CLCA4: variants seen among roughly 807,000 people sequenced by gnomAD.
CLCA4 encodes chloride channel accessory 4.
A neutral mutation model predicts 78.9 loss-of-function variants in CLCA4; 69 were observed. The ratio of observed to expected loss-of-function variants is 0.87; its 90% confidence interval spans 0.72 to 1.07. The LOEUF (loss-of-function observed/expected upper bound fraction) is 1.07. Among genes scored for constraint, CLCA4 ranks in the 50% least tolerant of loss-of-function variants. The pLI, the probability that CLCA4 is intolerant of heterozygous loss-of-function variation, is 0.00. For synonymous variants in CLCA4, 362 were observed against 375.8 expected (o/e 0.96, Z 0.42); for missense variants, 1,133 against 1,095.8 (o/e 1.03, Z -0.48).
At chr1:86,550,021 A>G (rs955444237) in intron 1 of CLCA4, among the ~76,000 whole-genome samples, 2 of 152,206 alleles carry the variant, frequency 1.3e-5, no homozygotes, top group African/African-American at 4.8e-5. Context: ...AGCCACGTAA[A>G]TTATTTTTCC....
At chr1:86,572,454 A>G (rs1650377473) in intron 8 of CLCA4, among the ~76,000 whole-genome samples, 160 bp from the exon 9 acceptor site, 1 of 152,038 alleles carries the variant, frequency 6.6e-6, no homozygotes, top group African/African-American at 2.4e-5. Context: ...ACATTTTAAA[A>G]TGAGCATTTC....
intron 1 of CLCA4, among the ~76,000 whole-genome samples, chr1:86,550,469 G>C (rs1231028103): frequency 5.3e-5 from 8 of 151,998 alleles, no homozygotes; most frequent in Non-Finnish European, 1.0e-4. Context: ...TTGTTTACAG[G>C]CATGCCCAGA....
chr1:86,564,933 T>A (rs189823872), intron 4 of CLCA4, among the ~76,000 whole-genome samples: 5 of 152,128 alleles, frequency 3.3e-5, no homozygotes, highest in Admixed American at 3.3e-4. Context: ...GTAAATTGTC[T>A]CAAAAATTCT....
At chr1:86,573,104 T>A (rs1650403230) in intron 9 of CLCA4, 1 of 248,870 alleles carries the variant, frequency 4.0e-6, no homozygotes, top group Non-Finnish European at 8.0e-6. Flanking sequence ...TGATATAGAT[T>A]TAGAAACATG....
In CLCA4 at chr1:86,578,038, T is replaced by C. The variant is rs200517074; in HGVS notation, c.2088T>C (p.Asn696=). The C allele has an allele frequency of 7.9e-5, 127 of 1,612,592 alleles. No individual in the cohort carries two copies. Among genetic ancestry groups the C allele is most frequent in the African/African-American group, 4.5e-4 (34 of 74,948 alleles). The change falls in exon 12 of 14, where the codon AAT becomes AAC. Residue 696 remains asparagine, a synonymous_variant. Transcript: ENST00000370563. ...GGCTAAAATTACGGCCTCCACTGAA[T>C]AGAGCCGCGTACATACCAGGCTGGG... ...TARLKLRPPL[N]RAAYIPGWVV... is the part of the protein sequence containing the mutation.
intron 1 of CLCA4, chr1:86,552,860 G>T: frequency 2.7e-6 from 2 of 745,022 alleles, no homozygotes; most frequent in Non-Finnish European, 2.4e-6. Context: ...ATATCTGATC[G>T]AGTGATTTGC....
chr1:86,572,184 A>G (rs1358675231), intron 8 of CLCA4, among the ~76,000 whole-genome samples: 5 of 152,048 alleles, frequency 3.3e-5, no homozygotes, highest in African/African-American at 9.7e-5. Flanking sequence ...GCTGGCTGAA[A>G]TATCTGAAAG....
chr1:86,565,230 T>A (rs1335517176), intron 4 of CLCA4, 44 bp from the exon 5 acceptor site: 3 of 1,386,800 alleles, frequency 2.2e-6, no homozygotes, highest in Non-Finnish European at 3.0e-6. Context: ...CTGTAAGTGC[T>A]AATGATTCAG....
rs560528524 is a variant in CLCA4, at chr1:86,557,032, G to A, written c.160-2900G>A. On this transcript the variant is annotated intron_variant, in intron 1 of 13. Coordinates refer to ENST00000370563, the MANE Select transcript of CLCA4 (RefSeq NM_012128.4). ...GGTTATTTTTATTTCTGAGGGGTCA[G>A]CATTAACATTCCCTTCATTATTTCC... 2.4e-3 allele frequency among the ~76,000 whole-genome samples: 358 copies of A among 152,154 alleles called. 1 individual carries two copies. The highest frequency in any genetic ancestry group is 4.0e-3 in the Non-Finnish European group (271 of 67,968).
rs1650658660 is a variant in CLCA4, at chr1:86,579,996, T to C, written c.2411T>C (p.Phe804Ser). ...SASILDLRDS[F>S]DDALQVNTTD... ...AGTATTCTTGATCTAAGAGACAGTT[T>C]TGATGATGCTCTTCAAGTAAATACT... is the stretch of plus-strand genomic sequence containing the variant. Residue 804 changes from phenylalanine (F) to serine (S), a missense_variant, in exon 14 of 14, where the codon TTT becomes TCT. Phe to Ser is a radical substitution (Grantham distance 155). Coordinates refer to ENST00000370563, the MANE Select transcript of CLCA4 (RefSeq NM_012128.4). 1 of 1,607,634 alleles carries C rather than the reference T, an allele frequency of 6.2e-7. No homozygotes were observed. Among genetic ancestry groups the C allele is most frequent in the East Asian group, 2.2e-5 (1 of 44,754 alleles).
At chr1:86,565,123 C>G in intron 4 of CLCA4, 151 bp from the exon 5 acceptor site, 1 of 493,984 alleles carries the variant, frequency 2.0e-6, no homozygotes, top group Non-Finnish European at 3.5e-6. Flanking sequence ...TTGATTGGAA[C>G]CCTTAAACCC....
chr1:86,550,925 A>G (rs925011508), intron 1 of CLCA4, among the ~76,000 whole-genome samples: 4 of 143,668 alleles, frequency 2.8e-5, no homozygotes, highest in Non-Finnish European at 6.0e-5. Context: ...TCCGCCTCCC[A>G]CGTTCACGCC....
At position 86,574,638 on chromosome 1, in the gene CLCA4, A is replaced by G. The variant is rs150565626; in HGVS notation, c.1566A>G (p.Thr522=). The change falls in exon 10 of 14, where the codon ACA becomes ACG. Residue 522 remains threonine, a synonymous_variant. Coordinates refer to ENST00000370563, the MANE Select transcript of CLCA4 (RefSeq NM_012128.4). The part of the protein sequence containing the change: ...TVGKDTFFLI[T]WNSLPPSISL... Reference sequence around the variant, plus strand: ...GAAAGGACACGTTCTTTCTCATCACATGGAACAGTCTGCCTCCCAGTATTT... The same window carrying G: ...GAAAGGACACGTTCTTTCTCATCACGTGGAACAGTCTGCCTCCCAGTATTT... 798 of 1,613,286 alleles carry G rather than the reference A, an allele frequency of 4.9e-4. 1 individual carries two copies. The African/African-American group carries it at 9.8e-3, about 20-fold the overall frequency.
At chr1:86,547,442 C>T (rs1649536225) in intron 1 of CLCA4, among the ~76,000 whole-genome samples, 164 bp downstream of exon 1, 1 of 152,160 alleles carries the variant, frequency 6.6e-6, no homozygotes, top group African/African-American at 2.4e-5. Flanking sequence ...GCAACTCAAA[C>T]ATTTATCTTT....
rs1650243325 is a variant in CLCA4 at position 86,567,678 on chromosome 1, T to G, written c.1182+27T>G. On this transcript the variant is annotated intron_variant, in intron 7 of 13. Transcript: ENST00000370563. Reference sequence around the variant, plus strand: ...TGAAAATCGTACTGCAAATATATTTTGGTTTTTGTTTCTTTTCAGGACATT... The same window carrying G: ...TGAAAATCGTACTGCAAATATATTTGGGTTTTTGTTTCTTTTCAGGACATT... 3.2e-6 allele frequency: 5 copies of G among 1,584,008 alleles called. No homozygotes were observed. In the South Asian group the frequency reaches 3.4e-5, roughly 11 times the overall value.
intron 7 of CLCA4, among the ~76,000 whole-genome samples, chr1:86,567,950 A>G (rs971933218): frequency 1.3e-5 from 2 of 152,100 alleles, no homozygotes; most frequent in African/African-American, 4.8e-5. Flanking sequence ...TGTTAGTTAA[A>G]TAAGTGTGCT....
intron 8 of CLCA4, 79 bp downstream of exon 8, chr1:86,571,333 G>A: frequency 1.4e-6 from 2 of 1,407,066 alleles, no homozygotes. Flanking sequence ...AACGTCTCTT[G>A]AGTTTCTGCC....
At chr1:86,550,860 C>A (rs1649634807) in intron 1 of CLCA4, among the ~76,000 whole-genome samples, 1 of 140,368 alleles carries the variant, frequency 7.1e-6, no homozygotes, top group African/African-American at 2.6e-5. Flanking sequence ...GAGACAGAAT[C>A]TCGATCTGTC....
At chr1:86,579,901 A>G (rs763699349) in intron 13 of CLCA4, 41 bp from the exon 14 acceptor site, 3 of 1,260,166 alleles carry the variant, frequency 2.4e-6, no homozygotes, top group South Asian at 2.9e-5. Context: ...TGAATATGCT[A>G]TGCTGCAGTC....
Sources: allele counts gnomAD v4.1 joint callset (sites outside exome capture counted in the v4.1 genomes callset), GRCh38; gene constraint gnomAD v4.1.1; transcripts MANE v1.5; gene names NCBI Gene and HGNC (gene_info 2026-07-23, HGNC 2026-07-21).